The following SPMIP3 variants were observed in gnomAD, a reference collection of about 807,000 sequenced individuals.
SPMIP3 encodes the protein protein SPMIP3.
the SPMIP3 span, among the ~76,000 whole-genome samples, chr1:244,361,228 TTTC>T: frequency 1.0e-5 from 1 of 95,700 alleles, no homozygotes; most frequent in African/African-American, 3.3e-5. Flanking sequence ...CTTTTTTTTC[TTTC>T]TTTCTTTTTT....
At chr1:244,360,687 C>T in the SPMIP3 span, among the ~76,000 whole-genome samples, 5 of 152,068 alleles carry the variant, frequency 3.3e-5, no homozygotes, top group African/African-American at 1.2e-4. Context: ...AGTTCCAAGA[C>T]CAGCCTGGTC....
At chr1:244,387,094 G>C in the SPMIP3 span, among the ~76,000 whole-genome samples, 1 of 152,192 alleles carries the variant, frequency 6.6e-6, no homozygotes, top group African/African-American at 2.4e-5. Context: ...CTTGGGGTCA[G>C]GAGTTCGAGA....
chr1:244,388,557 T>C, the SPMIP3 span, among the ~76,000 whole-genome samples: 1 of 151,850 alleles, frequency 6.6e-6, no homozygotes, highest in Admixed American at 6.6e-5. Flanking sequence ...AGGTTTATAG[T>C]CAATAAAATT....
chr1:244,383,333 G>A, the SPMIP3 span, among the ~76,000 whole-genome samples: 1 of 152,068 alleles, frequency 6.6e-6, no homozygotes, highest in African/African-American at 2.4e-5. Context: ...GCGACGCAGT[G>A]AGAACCCACT....
chr1:244,376,519 A>G, the SPMIP3 span: 1 of 152,246 alleles, frequency 6.6e-6, no homozygotes, highest in Non-Finnish European at 1.5e-5. Flanking sequence ...AAACATTCAC[A>G]GTCAAAAATG....
At chr1:244,358,460 C>G in the SPMIP3 span, among the ~76,000 whole-genome samples, 1 of 151,708 alleles carries the variant, frequency 6.6e-6, no homozygotes, top group Non-Finnish European at 1.5e-5. Context: ...TGGCGCATGT[C>G]TGTAATACCA....
At chr1:244,377,416 C>T in the SPMIP3 span, among the ~76,000 whole-genome samples, 1 of 152,138 alleles carries the variant, frequency 6.6e-6, no homozygotes, top group South Asian at 2.1e-4. Flanking sequence ...CCACCACGCC[C>T]GGCCACAGCA....
At chr1:244,364,708 C>A in the SPMIP3 span, 2 of 1,614,006 alleles carry the variant, frequency 1.2e-6, no homozygotes, top group South Asian at 2.2e-5. Flanking sequence ...ATCATGACTG[C>A]CATCCGACTA....
chr1:244,372,519 C>T, the SPMIP3 span, among the ~76,000 whole-genome samples: 1 of 151,388 alleles, frequency 6.6e-6, no homozygotes, highest in Admixed American at 6.6e-5. Context: ...TCTCAGCTCA[C>T]TGCAAGCCCC....
chr1:244,367,191 T>G, the SPMIP3 span, among the ~76,000 whole-genome samples: 1 of 152,048 alleles, frequency 6.6e-6, no homozygotes, highest in African/African-American at 2.4e-5. Context: ...GTTGGGACGG[T>G]AGAGGCAGGA....
the SPMIP3 span, among the ~76,000 whole-genome samples, chr1:244,384,733 T>C: frequency 6.6e-6 from 1 of 152,124 alleles, no homozygotes; most frequent in Non-Finnish European, 1.5e-5. Context: ...TTTAGATACA[T>C]TTGAGAGATG....
the SPMIP3 span, among the ~76,000 whole-genome samples, chr1:244,363,521 AC>A: frequency 0.017 from 2,573 of 152,214 alleles, 90 homozygotes; most frequent in African/African-American, 0.058. Flanking sequence ...TGAATGGCTT[AC>A]AAAAAATCCT....
chr1:244,355,603 G>T, the SPMIP3 span, among the ~76,000 whole-genome samples: 2 of 152,146 alleles, frequency 1.3e-5, no homozygotes, highest in Admixed American at 6.6e-5. Context: ...GGCCAGGATG[G>T]TCTCGATCTC....
the SPMIP3 span, among the ~76,000 whole-genome samples, chr1:244,366,343 T>A: frequency 6.6e-6 from 1 of 152,080 alleles, no homozygotes; most frequent in Non-Finnish European, 1.5e-5. Flanking sequence ...ATTTTTAAAT[T>A]TTTTGTAGAG....
the SPMIP3 span, among the ~76,000 whole-genome samples, chr1:244,386,003 A>AACACACACAC: frequency 1.0e-3 from 149 of 145,756 alleles, 1 homozygote; most frequent in Middle Eastern, 3.5e-3. Flanking sequence ...ATCTCTACAA[A>AACACACACAC]ACACACACAC....
the SPMIP3 span, among the ~76,000 whole-genome samples, chr1:244,372,210 G>A: frequency 6.6e-6 from 1 of 152,060 alleles, no homozygotes; most frequent in Non-Finnish European, 1.5e-5. Context: ...GTGTCCTATG[G>A]ACCCTTTATT....
chr1:244,369,624 G>T, the SPMIP3 span, among the ~76,000 whole-genome samples: 4 of 152,024 alleles, frequency 2.6e-5, no homozygotes, highest in African/African-American at 9.7e-5. Context: ...GTGAAGTGCA[G>T]GTTTTATAAC....
chr1:244,386,706 A>C, the SPMIP3 span, among the ~76,000 whole-genome samples: 1 of 152,256 alleles, frequency 6.6e-6, no homozygotes, highest in Non-Finnish European at 1.5e-5. Flanking sequence ...ATTAAATCTA[A>C]AAATCCTCAA....
the SPMIP3 span, among the ~76,000 whole-genome samples, chr1:244,363,040 TG>T: frequency 1.3e-5 from 2 of 151,208 alleles, no homozygotes; most frequent in African/African-American, 4.9e-5. Flanking sequence ...TTCATAGAGT[TG>T]GGGTCTCACC....
Sources: allele counts gnomAD v4.1 joint callset (sites outside exome capture counted in the v4.1 genomes callset), GRCh38; gene constraint gnomAD v4.1.1; transcripts MANE v1.5; gene names NCBI Gene and HGNC (gene_info 2026-07-23, HGNC 2026-07-21).